MMP8: variants seen among roughly 807,000 people sequenced by gnomAD.
MMP8 encodes the protein neutrophil collagenase.
In MMP8, 67 loss-of-function variants were observed where a neutral mutation model predicts 51.2. The observed-to-expected ratio is 1.31, with a 90% confidence interval of 1.08 to 1.60. MMP8 has a LOEUF of 1.60. MMP8 is among the 40% of genes most tolerant of loss of function. MMP8 has a pLI of 0.00. For missense variants in MMP8, 654 were observed against 558.1 expected, an observed-to-expected ratio of 1.17 and a Z score of -1.73; for synonymous variants, 225 against 191.0, an observed-to-expected ratio of 1.18 and a Z score of -1.47.
chr11:102,722,014 G>A (rs886156787), intron 2 of MMP8, among the ~76,000 whole-genome samples: 3 of 152,004 alleles, frequency 2.0e-5, no homozygotes, highest in Non-Finnish European at 4.4e-5. Flanking sequence ...GGCTGCCGTG[G>A]GGATTAAATA....
intron 5 of MMP8, among the ~76,000 whole-genome samples, chr11:102,718,142 A>G (rs1032598222): frequency 6.6e-6 from 1 of 152,126 alleles, no homozygotes; most frequent in African/African-American, 2.4e-5. Flanking sequence ...GAAATTTGGA[A>G]AGCCTAAAAA....
chr11:102,714,655 T>A lies in MMP8; in HGVS notation c.1091A>T (p.Asp364Val), dbSNP rs1861227394. ...GYDILQGYPK[D>V]ISNYGFPSSV... is the part of the protein sequence containing the mutation. ...GCTGGGGAAGCCATAGTTTGATATA[T>A]CCTTGGGATAACCTTGCAGAATATC... Residue 364 changes from aspartate (D) to valine (V), a missense_variant, in exon 8 of 10, where the codon GAT becomes GTT. Asp to Val is a radical substitution (Grantham distance 152, BLOSUM62 -3). Coordinates refer to ENST00000236826, the MANE Select transcript of MMP8 (RefSeq NM_002424.3). The A allele has an allele frequency of 6.4e-7, 1 of 1,554,602 alleles. No homozygotes were observed. The highest frequency in any genetic ancestry group is 1.4e-5 in the African/African-American group (1 of 71,298).
At position 102,716,397 on chromosome 11, in the gene MMP8, T is replaced by G. The variant is rs1565437481; in HGVS notation, c.807A>C (p.Gln269His). 6.5e-7 allele frequency: 1 copy of G among 1,539,814 alleles called. No individual in the cohort carries two copies. The highest frequency in any genetic ancestry group is 8.8e-7 in the Non-Finnish European group (1 of 1,142,552). ...GTTTGGGTGTGCTTGGTCCAGTAGG[T>G]TGGATAGGGTTGCTTGAAAGTCCTG... ...AIYGLSSNPI[Q>H]PTGPSTPKPC... The change falls in exon 6 of 10, where the codon CAA becomes CAC. Residue 269 changes from glutamine to histidine, a missense_variant. Transcript: ENST00000236826.
Position 102,722,465 on chromosome 11 carries a change from C to T in MMP8, c.311G>A (p.Gly104Glu), listed in dbSNP as rs1861500954. The change falls in exon 2 of 10, where the codon GGA becomes GAA. Residue 104 changes from glycine to glutamate, a missense_variant. Coordinates refer to ENST00000236826, the MANE Select transcript of MMP8 (RefSeq NM_002424.3). ...GTTAGTGCGTTCCCACTTGGGGTTT[C>T]CTGGGGTTAACATAAAACCACCACT... ...PDSGGFMLTPGNPKWERTNLT... is the reference protein window; with the variant it reads ...PDSGGFMLTPENPKWERTNLT... The T allele has an allele frequency of 6.2e-7, 1 of 1,613,832 alleles. No individual in the cohort carries two copies. The highest frequency in any genetic ancestry group is 1.6e-4 in the Middle Eastern group (1 of 6,062).
Position 102,713,213 on chromosome 11 carries a change from G to C in MMP8, c.*135C>G, listed in dbSNP as rs144488561. 2.7e-4 allele frequency: 174 copies of C among 636,302 alleles called. No individual in the cohort carries two copies. In the Middle Eastern group the frequency reaches 9.2e-3, roughly 33 times the overall value. 39.4% of individuals were successfully genotyped at this position (636,302 alleles called of 1,614,324 possible). On this transcript the variant is annotated 3_prime_UTR_variant, in exon 10 of 10. Coordinates refer to ENST00000236826, the MANE Select transcript of MMP8 (RefSeq NM_002424.3). ...TCCAAACATATTTTCACGGAGGACA[G>C]GTAGAATGGATACAGTGATGGGAAA...
In MMP8 at chr11:102,713,312, A is replaced by C. The variant is rs778469781; in HGVS notation, c.*36T>G. 9 of 1,443,344 alleles carry C rather than the reference A, an allele frequency of 6.2e-6. No individual in the cohort carries two copies. The highest frequency in any genetic ancestry group is 9.7e-7 in the Non-Finnish European group (1 of 1,025,840). The allele number at this position is 1,443,344 out of a possible 1,614,324, so 89.4% of individuals were successfully genotyped here. On this transcript the variant is annotated 3_prime_UTR_variant, in exon 10 of 10. Transcript: ENST00000236826. ...AATGCTTGCTGAACTTCCCTTCAAC[A>C]TTCTGAAAGTGGATACAGCCACATT...
chr11:102,721,557 G>C, intron 3 of MMP8, 31 bp from the exon 4 acceptor site: 1 of 1,613,438 alleles, frequency 6.2e-7, no homozygotes, highest in Non-Finnish European at 8.5e-7. Flanking sequence ...TTAGATCCTT[G>C]CCAAGTTTCA....
Position 102,718,442 on chromosome 11 carries a change from A to T in MMP8, c.756T>A (p.Asp252Glu). 1 of 1,613,148 alleles carries T rather than the reference A, an allele frequency of 6.2e-7. No individual in the cohort carries two copies. ...RETSNYSLPQ[D>E]DIDGIQAIYG... ...AGATGGCCTGAATGCCATCGATGTC[A>T]TCTTGAGGGAGTGAGTAGTTGCTGG... Residue 252 changes from aspartate (D) to glutamate (E), a missense_variant, in exon 5 of 10, where the codon GAT (aspartate) becomes GAA (glutamate). Transcript: ENST00000236826.
intron 6 of MMP8, among the ~76,000 whole-genome samples, 156 bp from the exon 7 acceptor site, chr11:102,715,593 T>C (rs373366461): frequency 5.9e-5 from 9 of 152,232 alleles, no homozygotes; most frequent in African/African-American, 1.7e-4. Context: ...GACCAGCATA[T>C]GGCGAAGCTT....
In MMP8 at chr11:102,721,507, TG is replaced by T. The variant is rs1169081354; in HGVS notation, c.515del (p.Pro172HisfsTer63). On this transcript the variant is annotated frameshift_variant, in exon 4 of 10. Transcript: ENST00000236826. LOFTEE classifies it high-confidence loss of function. ...FYQRDHGDNS[P>X]FDGPNGILAH... ...CAAGGATTCCATTGGGTCCATCAAA[TG>T]GAGAATTGTCACCGTGATCTGAAAT... 6.2e-7 allele frequency: 1 copy of T among 1,613,778 alleles called. No individual in the cohort carries two copies. Among genetic ancestry groups the T allele is most frequent in the Non-Finnish European group, 8.5e-7 (1 of 1,179,844 alleles).
chr11:102,718,592 G>T lies in MMP8; in HGVS notation c.623-17C>A. The stretch of plus-strand genomic sequence containing the variant: ...AGTTGTAATCTGAAATGCAAACACG[G>T]GTGGTAAACAGCTCAGTGTGGATCC... On this transcript the variant is annotated splice_polypyrimidine_tract_variant and intron_variant, in intron 4 of 9. Transcript: ENST00000236826. 6.2e-7 allele frequency: 1 copy of T among 1,613,630 alleles called. No individual in the cohort carries two copies. The highest frequency in any genetic ancestry group is 8.5e-7 in the Non-Finnish European group (1 of 1,179,714).
At chr11:102,722,746 T>C in intron 1 of MMP8, 73 bp from the exon 2 acceptor site, 1 of 1,570,238 alleles carries the variant, frequency 6.4e-7, no homozygotes, top group East Asian at 2.3e-5. Context: ...TGCAACCCTT[T>C]CTAAGTTACT....
Position 102,721,605 on chromosome 11 carries a change from T to G in MMP8, c.496+9A>C. On this transcript the variant is annotated intron_variant, in intron 3 of 9. Transcript: ENST00000236826. ...AAAGCAAAACTGAGCATGACTGCTT[T>G]GTACCTACCTCTTTGGTAAAAAGCA... 1 of 1,613,766 alleles carries G rather than the reference T, an allele frequency of 6.2e-7. No individual in the cohort carries two copies. Among genetic ancestry groups the G allele is most frequent in the Non-Finnish European group, 8.5e-7 (1 of 1,179,792 alleles).
Position 102,713,198 on chromosome 11 carries a change from T to C in MMP8, c.*150A>G. On this transcript the variant is annotated 3_prime_UTR_variant, in exon 10 of 10. Transcript: ENST00000236826. ...CAAATAGTGGAATATTCCAAACATATTTTCACGGAGGACAGGTAGAATGGA... is the reference window on the plus strand; with the variant it reads ...CAAATAGTGGAATATTCCAAACATACTTTCACGGAGGACAGGTAGAATGGA... The C allele has an allele frequency of 1.7e-6, 1 of 595,950 alleles. No individual in the cohort carries two copies. The highest frequency in any genetic ancestry group is 3.0e-6 in the Non-Finnish European group (1 of 334,934). The allele number at this position is 595,950 out of a possible 1,614,324, so 36.9% of individuals were successfully genotyped here. A position where few individuals can be genotyped will look rare whatever the true frequency, so the allele number is the denominator to read the frequency against.
In MMP8 at chr11:102,718,424, C is replaced by G. The variant is rs745305931; in HGVS notation, c.774G>C (p.Gln258His). 1.9e-5 allele frequency: 31 copies of G among 1,611,274 alleles called. No homozygotes were observed. Among genetic ancestry groups the G allele is most frequent in the Non-Finnish European group, 2.5e-5 (29 of 1,178,598 alleles). Reference sequence around the variant, plus strand: ...TTGAGAAGACCTTACCATAGATGGCCTGAATGCCATCGATGTCATCTTGAG... The same window carrying G: ...TTGAGAAGACCTTACCATAGATGGCGTGAATGCCATCGATGTCATCTTGAG... Reference protein sequence around the residue: ...SLPQDDIDGIQAIYGLSSNPI... With the variant: ...SLPQDDIDGIHAIYGLSSNPI... Residue 258 changes from glutamine to histidine, a missense_variant, in exon 5 of 10, where the codon CAG becomes CAC. Gln to His is a conservative substitution (Grantham distance 24). Coordinates refer to ENST00000236826, the MANE Select transcript of MMP8 (RefSeq NM_002424.3).
chr11:102,721,817 T>C (rs1213360619), intron 2 of MMP8, 55 bp from the exon 3 acceptor site: 4 of 1,583,952 alleles, frequency 2.5e-6, no homozygotes, highest in African/African-American at 2.7e-5. Context: ...CAGTAGTCCA[T>C]CAACTGATGA....
rs1335621417 is a variant in MMP8, at chr11:102,713,449, G to C, written c.1303C>G (p.His435Asp). The C allele has an allele frequency of 6.2e-7, 1 of 1,606,824 alleles. No individual in the cohort carries two copies. Among genetic ancestry groups the C allele is most frequent in the East Asian group, 2.2e-5 (1 of 44,776 alleles). ...TAATATCTTGGTCCACTGAAGACAT[G>C]GAAGAAATCTATAAAAAAAGAGAGA... Reference protein sequence around the residue: ...DAVFQQEHFFHVFSGPRYYAF... With the variant: ...DAVFQQEHFFDVFSGPRYYAF... Residue 435 changes from histidine to aspartate, a missense_variant, in exon 10 of 10, where the codon CAT becomes GAT. Transcript: ENST00000236826.
chr11:102,722,302 T>C, intron 2 of MMP8, 127 bp downstream of exon 2: 1 of 1,038,726 alleles, frequency 9.6e-7, no homozygotes. Flanking sequence ...CATTCACTAC[T>C]CACACTCTTC....
At position 102,713,362 on chromosome 11, in the gene MMP8, A is replaced by G; in HGVS notation, c.1390T>C (p.Cys464Arg). The G allele has an allele frequency of 6.2e-7, 1 of 1,612,114 alleles. No homozygotes were observed. The highest frequency in any genetic ancestry group is 8.5e-7 in the Non-Finnish European group (1 of 1,178,328). ...RVARGNKWLNCRYG is the reference protein window; with the variant it reads ...RVARGNKWLNRRYG ...TTGATTTTGCTTCAGCCATATCTAC[A>G]GTTAAGCCATTTATTGCCTCTTGCA... Residue 464 changes from cysteine (C) to arginine (R), a missense_variant, in exon 10 of 10, where the codon TGT becomes CGT. By Grantham distance (180) the Cys-to-Arg change is radical. Transcript: ENST00000236826.
Sources: gnomAD v4.1 joint callset for allele counts (sites outside exome capture counted in the v4.1 genomes callset) on GRCh38, gnomAD v4.1.1 for gene constraint, MANE v1.5 for transcripts, NCBI Gene and HGNC (gene_info 2026-07-23, HGNC 2026-07-21) for gene names.